Variants in UNC80 observed in about 807,000 individuals in gnomAD.
The protein encoded by UNC80 is unc-80 subunit of NALCN channel complex, also known as protein unc-80 homolog.
In UNC80, 164 loss-of-function variants were observed where a neutral mutation model predicts 384.6. The observed-to-expected ratio is 0.43, with a 90% CI of 0.38 to 0.49. UNC80 has a LOEUF of 0.49. Among genes scored for constraint, UNC80 ranks in the 20% least tolerant of loss-of-function variants. UNC80 has a pLI of 0.00. For synonymous variants in UNC80, 1,486 were observed against 1,527.8 expected (o/e 0.97, Z 0.64); for missense variants, 3,330 against 4,143.0 (o/e 0.80, Z 5.39).
intron 2 of UNC80, 74 bp downstream of exon 2, chr2:209,773,216 A>C (rs930201590): frequency 7.8e-7 from 1 of 1,279,934 alleles, no homozygotes; most frequent in African/African-American, 1.5e-5. Flanking sequence ...CAGATTTTAA[A>C]TCAAACGGAC....
At chr2:209,880,119 C>A (rs1405748813) in intron 24 of UNC80, among the ~76,000 whole-genome samples, 1 of 151,852 alleles carries the variant, frequency 6.6e-6, no homozygotes, top group Admixed American at 6.6e-5. Flanking sequence ...TTTCTGAACA[C>A]GTAAATAATA....
intron 35 of UNC80, among the ~76,000 whole-genome samples, chr2:209,924,190 T>C (rs2090257355): frequency 6.6e-6 from 1 of 152,186 alleles, no homozygotes; most frequent in Non-Finnish European, 1.5e-5. Flanking sequence ...CATAAGTTTT[T>C]ATTGAAAAAT....
At chr2:209,792,207 G>A (rs969715108) in intron 6 of UNC80, among the ~76,000 whole-genome samples, 35 of 152,342 alleles carry the variant, frequency 2.3e-4, no homozygotes, top group African/African-American at 8.2e-4. Context: ...GGGAGGCTAA[G>A]TGGAGAGGAT....
chr2:209,898,356 A>G (rs1050457175), intron 28 of UNC80, among the ~76,000 whole-genome samples: 1 of 152,156 alleles, frequency 6.6e-6, no homozygotes, highest in African/African-American at 2.4e-5. Context: ...AGCTATAAAT[A>G]TTATCTAGAA....
chr2:209,896,329 T>G lies in UNC80; in HGVS notation c.4497T>G (p.Ser1499Arg). The change falls in exon 28 of 65, where the codon AGT (serine) becomes AGG (arginine). Residue 1499 changes from serine (S) to arginine (R), a missense_variant. Transcript: ENST00000673920. ...CTTTTGAAGAAGGGAGTCCTTGGAG[T>G]GCAAGCGAGCCCAGCATTGAGCCAG... is the stretch of plus-strand genomic sequence containing the variant. ...TVTDLEGSPW[S>R]ASEPSIEPEG... The G allele has an allele frequency of 6.4e-7, 1 of 1,551,458 alleles. No homozygotes were observed. The highest frequency in any genetic ancestry group is 1.2e-5 in the South Asian group (1 of 84,040).
At chr2:209,858,135 G>A (rs984326542) in intron 22 of UNC80, among the ~76,000 whole-genome samples, 9 of 152,104 alleles carry the variant, frequency 5.9e-5, no homozygotes, top group Admixed American at 2.0e-4. Context: ...TGACAAATAC[G>A]TTCATTTGTA....
chr2:209,855,819 A>G (rs2082870925), intron 22 of UNC80, among the ~76,000 whole-genome samples: 2 of 152,146 alleles, frequency 1.3e-5, no homozygotes, highest in Non-Finnish European at 2.9e-5. Context: ...ATTTAGTGTT[A>G]ATATGTTAAT....
At chr2:209,921,795 ATC>A in intron 34 of UNC80, 109 bp downstream of exon 34, 4 of 1,241,328 alleles carry the variant, frequency 3.2e-6, no homozygotes, top group African/African-American at 1.5e-5. Context: ...GCCCCCTTCC[ATC>A]TCTCTCTCAC....
Position 209,825,940 on chromosome 2 carries a change from G to A in UNC80, c.2365G>A (p.Ala789Thr), listed in dbSNP as rs770066987. The A allele has an allele frequency of 6.4e-7, 1 of 1,550,502 alleles. No individual in the cohort carries two copies. Among genetic ancestry groups the A allele is most frequent in the East Asian group, 2.4e-5 (1 of 40,876 alleles). The change falls in exon 14 of 65, where the codon GCT becomes ACT. Residue 789 changes from alanine (A) to threonine (T), a missense_variant. Ala to Thr is a moderately conservative substitution (Grantham distance 58, BLOSUM62 0). Transcript: ENST00000673920. ...TACACCTGTAAGCAACCATAGGCTT[G>A]CTCTAACAATGCTCATCAAAATAGT... ...ESTPVSNHRL[A>T]LTMLIKIVKS...
intron 63 of UNC80, among the ~76,000 whole-genome samples, chr2:209,993,844 C>T (rs1297821804): frequency 1.3e-5 from 2 of 152,122 alleles, no homozygotes; most frequent in Non-Finnish European, 2.9e-5. Context: ...TATTTTAGGC[C>T]ATTTACGTGA....
chr2:209,975,788 A>G (rs906348985), intron 56 of UNC80, among the ~76,000 whole-genome samples: 3 of 152,202 alleles, frequency 2.0e-5, no homozygotes, highest in African/African-American at 7.2e-5. Context: ...TTTGGAAGGT[A>G]AAACGTTAGC....
chr2:209,895,549 T>C (rs1464912372), intron 27 of UNC80, among the ~76,000 whole-genome samples: 1 of 152,216 alleles, frequency 6.6e-6, no homozygotes, highest in African/African-American at 2.4e-5. Flanking sequence ...GCTAGAGCAT[T>C]ATCATCAGTT....
chr2:209,788,139 G>A lies in UNC80; in HGVS notation c.725-1393G>A, dbSNP rs1046513873. Among the ~76,000 whole-genome samples, 7 of 152,140 alleles carry A rather than the reference G, an allele frequency of 4.6e-5. No individual in the cohort carries two copies. In the East Asian group the frequency reaches 5.8e-4, roughly 13 times the overall value. Reference sequence around the variant, plus strand: ...TTGTTTTAAAACAAAAAAGTTGGCCGGGCGCGGTGGCTCACGCCTGTAATC... The same window carrying A: ...TTGTTTTAAAACAAAAAAGTTGGCCAGGCGCGGTGGCTCACGCCTGTAATC... On this transcript the variant is annotated intron_variant, in intron 5 of 64. Transcript: ENST00000673920.
intron 5 of UNC80, among the ~76,000 whole-genome samples, chr2:209,788,086 GC>G (rs1254929494): frequency 6.6e-6 from 1 of 152,134 alleles, no homozygotes; most frequent in Non-Finnish European, 1.5e-5. Flanking sequence ...GGAATGCCTG[GC>G]ACATAATGAG....
intron 6 of UNC80, among the ~76,000 whole-genome samples, chr2:209,791,243 T>G (rs1360517375): frequency 6.6e-6 from 1 of 152,206 alleles, no homozygotes; most frequent in Non-Finnish European, 1.5e-5. Flanking sequence ...AATACATCAT[T>G]TATTTATTAA....
intron 10 of UNC80, among the ~76,000 whole-genome samples, 189 bp from the exon 11 acceptor site, chr2:209,817,623 G>A (rs1230069936): frequency 2.0e-5 from 3 of 152,220 alleles, no homozygotes; most frequent in Non-Finnish European, 2.9e-5. Flanking sequence ...CCTTATCACA[G>A]GCAGCTTCAT....
At chr2:209,954,711 G>C (rs952619065) in intron 48 of UNC80, among the ~76,000 whole-genome samples, 2 of 152,186 alleles carry the variant, frequency 1.3e-5, no homozygotes, top group Non-Finnish European at 2.9e-5. Flanking sequence ...TGTTTGTGAA[G>C]TGTTGTGTTT....
chr2:209,834,127 G>A lies in UNC80; in HGVS notation c.2901G>A (p.Val967=). The change falls in exon 17 of 65, where the codon GTG becomes GTA. Residue 967 remains valine (V), a synonymous_variant. Transcript: ENST00000673920. ...SAEKLAPGKK[V]EENEQESKPA... ...AGAAGTTAGCACCAGGGAAAAAGGT[G>A]GAGGAGAATGAACAGGAATCTAAGC... is the stretch of plus-strand genomic sequence containing the variant. The A allele has an allele frequency of 6.4e-7, 1 of 1,551,664 alleles. No homozygotes were observed.
intron 22 of UNC80, among the ~76,000 whole-genome samples, chr2:209,866,073 CTTAT>C (rs2083736897): frequency 6.6e-6 from 1 of 151,962 alleles, no homozygotes; most frequent in East Asian, 1.9e-4. Flanking sequence ...TAGCATTTTT[CTTAT>C]TTGAGGTTCA....
Sources: gnomAD v4.1 joint callset for allele counts (sites outside exome capture counted in the v4.1 genomes callset) on GRCh38, gnomAD v4.1.1 for gene constraint, MANE v1.5 for transcripts, NCBI Gene and HGNC (gene_info 2026-07-23, HGNC 2026-07-21) for gene names.